The following CPQ variants were observed in gnomAD, a reference collection of about 807,000 sequenced individuals.
The protein encoded by CPQ is Ser-Met dipeptidase.
CPQ carries 37 observed loss-of-function variants against 45.7 expected under a neutral mutation model. The ratio of observed to expected loss-of-function variants is 0.81; its 90% CI spans 0.62 to 1.07. The LOEUF (loss-of-function observed/expected upper bound fraction) is 1.07, where lower values mean the gene tolerates loss of function less well. Among genes scored for constraint, CPQ ranks in the 50% least tolerant of loss-of-function variants. The pLI, the probability that CPQ is intolerant of heterozygous loss-of-function variation, is 0.00. For missense variants in CPQ, 537 were observed against 572.9 expected, an observed-to-expected ratio of 0.94 and a Z score of 0.64; for synonymous variants, 186 against 205.8, an observed-to-expected ratio of 0.90 and a Z score of 0.82.
intron 1 of CPQ, among the ~76,000 whole-genome samples, chr8:96,710,456 C>A (rs1388792314): frequency 6.6e-6 from 1 of 152,108 alleles, no homozygotes; most frequent in Non-Finnish European, 1.5e-5. Context: ...AATTTGTAAT[C>A]TTTCAGGCTA....
At chr8:97,068,283 TGATTTCTACCTAATAGAATGGAGTGGG>T (rs1308686419) in intron 7 of CPQ, among the ~76,000 whole-genome samples, 2 of 152,320 alleles carry the variant, frequency 1.3e-5, no homozygotes, top group East Asian at 3.9e-4. Flanking sequence ...AGGTCAGATT[TGATTTCTACCTAATAGAATGGAGTGGG>T]GAGACTGAGC....
intron 6 of CPQ, among the ~76,000 whole-genome samples, chr8:97,031,187 T>TC (rs1457150925): frequency 5.1e-4 from 43 of 83,908 alleles, no homozygotes; most frequent in African/African-American, 2.0e-3. Flanking sequence ...AAAGAACTAT[T>TC]CTTTTTTTTT....
At chr8:96,819,819 G>T (rs1196873802) in intron 2 of CPQ, among the ~76,000 whole-genome samples, 1 of 151,918 alleles carries the variant, frequency 6.6e-6, no homozygotes, top group African/African-American at 2.4e-5. Context: ...TTTGTCTTCA[G>T]GATCATACCG....
intron 4 of CPQ, among the ~76,000 whole-genome samples, chr8:96,885,722 G>A (rs1005687817): frequency 6.6e-6 from 1 of 152,174 alleles, no homozygotes; most frequent in Non-Finnish European, 1.5e-5. Context: ...TAGGCCAGGC[G>A]TGGTGGCTCA....
intron 3 of CPQ, among the ~76,000 whole-genome samples, chr8:96,838,778 G>C (rs905404460): frequency 1.3e-5 from 2 of 152,014 alleles, no homozygotes; most frequent in Non-Finnish European, 2.9e-5. Flanking sequence ...ATCATGGCAG[G>C]GCTCTCGTAA....
At chr8:96,882,506 T>G (rs140108095) in intron 4 of CPQ, among the ~76,000 whole-genome samples, 32 of 152,218 alleles carry the variant, frequency 2.1e-4, no homozygotes, top group African/African-American at 7.7e-4. Flanking sequence ...ATACTATCGC[T>G]GTTTGGTCGA....
intron 1 of CPQ, among the ~76,000 whole-genome samples, chr8:96,688,644 C>T (rs1190514905): frequency 6.6e-6 from 1 of 152,086 alleles, no homozygotes; most frequent in Non-Finnish European, 1.5e-5. Context: ...CCATTTTCTT[C>T]CTTCTACTCC....
In CPQ at chr8:97,018,917, A is replaced by C. The variant is rs1809626965; in HGVS notation, c.962-10486A>C. 4.6e-5 allele frequency among the ~76,000 whole-genome samples: 7 copies of C among 152,346 alleles called. No individual in the cohort carries two copies. In the South Asian group the frequency reaches 1.2e-3, roughly 27 times the overall value. On this transcript the variant is annotated intron_variant, in intron 5 of 7. Coordinates refer to ENST00000220763, the MANE Select transcript of CPQ (RefSeq NM_016134.4). ...ATTCATCACAAAAAGATCACCACCTAGGCACATTGTCCTCAGGTTATCTAA... is the reference window on the plus strand; with the variant it reads ...ATTCATCACAAAAAGATCACCACCTCGGCACATTGTCCTCAGGTTATCTAA...
chr8:96,735,270 T>C (rs1162216465), intron 1 of CPQ, among the ~76,000 whole-genome samples: 1 of 152,244 alleles, frequency 6.6e-6, no homozygotes, highest in Non-Finnish European at 1.5e-5. Flanking sequence ...GCCTAGGGCC[T>C]GGCATATATT....
At chr8:97,104,840 AT>A (rs1424627322) in intron 7 of CPQ, among the ~76,000 whole-genome samples, 2 of 152,180 alleles carry the variant, frequency 1.3e-5, no homozygotes, top group Non-Finnish European at 2.9e-5. Flanking sequence ...TACAGGACTA[AT>A]TGGATTCTTG....
intron 7 of CPQ, among the ~76,000 whole-genome samples, chr8:97,095,496 G>A (rs1220402714): frequency 6.6e-6 from 1 of 152,032 alleles, no homozygotes; most frequent in East Asian, 1.9e-4. Context: ...ATTGCTCCCA[G>A]TTGTCTTCCC....
At chr8:97,119,443 T>TAA (rs34411965) in intron 7 of CPQ, among the ~76,000 whole-genome samples, 4,274 of 143,956 alleles carry the variant, frequency 0.03, 79 homozygotes, top group Non-Finnish European at 0.038. Flanking sequence ...TCTTACACTG[T>TAA]AAAAAAAAAA....
chr8:96,807,061 T>A (rs978700023), intron 2 of CPQ, among the ~76,000 whole-genome samples: 1 of 152,200 alleles, frequency 6.6e-6, no homozygotes, highest in Admixed American at 6.5e-5. Context: ...ATTCTCTATT[T>A]GTTATCTGAT....
In CPQ at chr8:96,898,859, A is replaced by G. The variant is rs187918311; in HGVS notation, c.849+18854A>G. 7.4e-3 allele frequency among the ~76,000 whole-genome samples: 1,121 copies of G among 151,978 alleles called. 12 individuals are homozygous for G. In the Middle Eastern group the frequency reaches 0.086, roughly 12 times the overall value. On this transcript the variant is annotated intron_variant, in intron 4 of 7. Coordinates refer to ENST00000220763, the MANE Select transcript of CPQ (RefSeq NM_016134.4). ...GGGAGTGGCGAAATGTAAAGGGAGT[A>G]AAAAGGGTGGTAGTCTATAAAGGAA... is the stretch of plus-strand genomic sequence containing the variant.
chr8:96,707,663 T>TAATG (rs200941319), intron 1 of CPQ, among the ~76,000 whole-genome samples: 108 of 152,020 alleles, frequency 7.1e-4, no homozygotes, highest in East Asian at 9.7e-4. Context: ...AATTTCATTT[T>TAATG]AATGAATGAA....
chr8:97,011,863 T>C (rs1809490644), intron 5 of CPQ, among the ~76,000 whole-genome samples: 1 of 152,192 alleles, frequency 6.6e-6, no homozygotes, highest in South Asian at 2.1e-4. Context: ...CTTTCTCCAC[T>C]ATGCCATTAC....
chr8:96,689,290 T>C (rs1217416759), intron 1 of CPQ, among the ~76,000 whole-genome samples: 2 of 151,990 alleles, frequency 1.3e-5, no homozygotes, highest in Admixed American at 6.5e-5. Flanking sequence ...TCTGTCTCTA[T>C]AAAATGAAGA....
At chr8:97,131,923 T>C (rs894947821) in intron 7 of CPQ, among the ~76,000 whole-genome samples, 1 of 152,182 alleles carries the variant, frequency 6.6e-6, no homozygotes, top group East Asian at 1.9e-4. Context: ...TTTTGTCTCA[T>C]ATCCAGTTAG....
intron 2 of CPQ, among the ~76,000 whole-genome samples, chr8:96,785,903 G>GC (rs1810762134): frequency 6.6e-6 from 1 of 152,152 alleles, no homozygotes; most frequent in Non-Finnish European, 1.5e-5. Flanking sequence ...CTATCAGTTA[G>GC]CCTTGAATAT....
Sources: gnomAD v4.1 joint callset for allele counts (sites outside exome capture counted in the v4.1 genomes callset) on GRCh38, gnomAD v4.1.1 for gene constraint, MANE v1.5 for transcripts, NCBI Gene and HGNC (gene_info 2026-07-23, HGNC 2026-07-21) for gene names.